Variants in CDH13 observed in about 807,000 individuals in gnomAD.
The protein encoded by CDH13 is cadherin-13.
Under a neutral mutation model 63.8 loss-of-function variants are expected in CDH13, and 24 were observed. The observed-to-expected ratio is 0.38, with a 90% CI of 0.27 to 0.53. The LOEUF (loss-of-function observed/expected upper bound fraction) is 0.53, where lower values mean the gene tolerates loss of function less well. Ranked by LOEUF, CDH13 falls within the 20% of genes least tolerant of loss-of-function variation. CDH13 has a pLI of 0.85. For synonymous variants in CDH13, 503 were observed against 355.3 expected (o/e 1.42, Z -4.67); for missense variants, 1,049 against 903.1 (o/e 1.16, Z -2.07).
intron 1 of CDH13, among the ~76,000 whole-genome samples, chr16:82,701,821 G>C (rs2031049085): frequency 6.6e-6 from 1 of 152,036 alleles, no homozygotes; most frequent in Non-Finnish European, 1.5e-5. Flanking sequence ...TATGAACAAG[G>C]GGACAGGATG....
intron 3 of CDH13, among the ~76,000 whole-genome samples, chr16:83,108,023 A>G (rs2034864607): frequency 2.6e-5 from 4 of 152,028 alleles, no homozygotes; most frequent in Admixed American, 6.5e-5. Context: ...GGGTTTCACC[A>G]TCTTGGACAG....
chr16:82,824,889 ATTTG>A (rs1428575833), intron 1 of CDH13: 1 of 152,228 alleles, frequency 6.6e-6, no homozygotes, highest in East Asian at 1.9e-4. Flanking sequence ...TCTCATTAGT[ATTTG>A]TTCAGTTATG....
At chr16:83,253,678 T>G (rs10514584) in intron 5 of CDH13, among the ~76,000 whole-genome samples, 16,921 of 152,272 alleles carry the variant, frequency 0.11, 1,087 homozygotes, top group East Asian at 0.27. Context: ...GCAAATACTC[T>G]TAAGATCATG....
intron 6 of CDH13, among the ~76,000 whole-genome samples, chr16:83,455,260 C>A (rs2072991010): frequency 6.6e-6 from 1 of 152,136 alleles, no homozygotes; most frequent in African/African-American, 2.4e-5. Flanking sequence ...AGGAAACTGG[C>A]AAGGCCCAAG....
chr16:82,862,102 T>C (rs1413109135), intron 2 of CDH13, among the ~76,000 whole-genome samples: 3 of 152,218 alleles, frequency 2.0e-5, no homozygotes, highest in Non-Finnish European at 4.4e-5. Flanking sequence ...AGGTGTTTTC[T>C]GGAGGCCTGG....
At chr16:82,636,292 T>C (rs1031341959) in intron 1 of CDH13, among the ~76,000 whole-genome samples, 3 of 151,812 alleles carry the variant, frequency 2.0e-5, no homozygotes, top group Non-Finnish European at 4.4e-5. Flanking sequence ...CTTCTCTATG[T>C]GGGAGTGTAA....
chr16:82,944,345 T>C (rs1035388059), intron 2 of CDH13, among the ~76,000 whole-genome samples: 3 of 152,182 alleles, frequency 2.0e-5, no homozygotes, highest in Non-Finnish European at 4.4e-5. Context: ...TTACCGATAC[T>C]GTGTGTCTGT....
rs539416266 is a variant in CDH13, at chr16:83,075,525, G to T, written c.366+43307G>T. ...TTGTGGATGCAAAGGGAACAGGGTT[G>T]TGGTTGCTGAGCATTGCATCCAGTG... is the stretch of plus-strand genomic sequence containing the variant. On this transcript the variant is annotated intron_variant, in intron 3 of 13. Coordinates refer to ENST00000567109, the MANE Select transcript of CDH13 (RefSeq NM_001257.5). Among the ~76,000 whole-genome samples the T allele has an allele frequency of 8.4e-4, 128 of 152,346 alleles. 1 individual carries two copies. Among genetic ancestry groups the T allele is most frequent in the Non-Finnish European group, 1.3e-3 (90 of 68,038 alleles).
At chr16:83,055,450 A>G (rs1022408239) in intron 3 of CDH13, among the ~76,000 whole-genome samples, 10 of 151,978 alleles carry the variant, frequency 6.6e-5, no homozygotes, top group African/African-American at 2.2e-4. Flanking sequence ...TCTTTCAAGA[A>G]TAAGAAAAAA....
intron 6 of CDH13, among the ~76,000 whole-genome samples, chr16:83,385,874 G>C (rs753594459): frequency 6.6e-6 from 1 of 152,154 alleles, no homozygotes; most frequent in Non-Finnish European, 1.5e-5. Context: ...TGTACTGACT[G>C]CTCTCTCACC....
chr16:83,081,777 C>T (rs1371600452), intron 3 of CDH13, among the ~76,000 whole-genome samples: 1 of 152,072 alleles, frequency 6.6e-6, no homozygotes, highest in African/African-American at 2.4e-5. Context: ...TCGGGTTCCA[C>T]CCTCATGACC....
intron 1 of CDH13, among the ~76,000 whole-genome samples, chr16:82,837,689 AGCTCACTGGAG>A (rs1313025965): frequency 6.6e-6 from 1 of 152,172 alleles, no homozygotes; most frequent in African/African-American, 2.4e-5. Flanking sequence ...CTACGAGGGA[AGCTCACTGGAG>A]GCTCAGTGCC....
chr16:83,276,764 G>A (rs890640708), intron 5 of CDH13, among the ~76,000 whole-genome samples: 1 of 152,120 alleles, frequency 6.6e-6, no homozygotes, highest in Admixed American at 6.5e-5. Context: ...ACAGCTACTC[G>A]GGAGGCTGAG....
chr16:82,901,368 C>G (rs60026430), intron 2 of CDH13, among the ~76,000 whole-genome samples: 9,923 of 74,190 alleles, frequency 0.13, 704 homozygotes, highest in African/African-American at 0.32. Flanking sequence ...GTGTGTGTGT[C>G]TGATGATTGG....
At chr16:82,847,523 C>G (rs1018254876) in intron 1 of CDH13, among the ~76,000 whole-genome samples, 29 of 152,206 alleles carry the variant, frequency 1.9e-4, no homozygotes, top group African/African-American at 6.8e-4. Context: ...TTTCTCTTAT[C>G]CTTTCTTCCA....
At chr16:83,121,091 C>T (rs1331748774) in intron 3 of CDH13, among the ~76,000 whole-genome samples, 4 of 152,062 alleles carry the variant, frequency 2.6e-5, no homozygotes, top group Admixed American at 1.3e-4. Context: ...GTGTTGGGTT[C>T]GTTTTGGGTG....
At position 82,966,181 on chromosome 16, in the gene CDH13, G is replaced by C. The variant is rs554292932; in HGVS notation, c.158-65829G>C. On this transcript the variant is annotated intron_variant, in intron 2 of 13. Transcript: ENST00000567109. The stretch of plus-strand genomic sequence containing the variant: ...TTTGTTTGTTTGAGACAAAGACTCG[G>C]TCTGTCGCCCAGGCTGGAGTGCAGT... Among the ~76,000 whole-genome samples the C allele has an allele frequency of 2.4e-3, 367 of 152,206 alleles. 3 individuals carry two copies. Among genetic ancestry groups the C allele is most frequent in the Middle Eastern group, 0.017 (5 of 292 alleles).
At chr16:83,743,096 A>G (rs1912215078) in intron 10 of CDH13, among the ~76,000 whole-genome samples, 1 of 152,156 alleles carries the variant, frequency 6.6e-6, no homozygotes, top group African/African-American at 2.4e-5. Context: ...AATTCCAGAT[A>G]TTTGGGAGGC....
chr16:82,781,425 T>C (rs8061163), intron 1 of CDH13, among the ~76,000 whole-genome samples: 12,342 of 152,078 alleles, frequency 0.081, 597 homozygotes, highest in East Asian at 0.23. Context: ...GTTGTGTACA[T>C]TGGCAACTTG....
Sources: allele counts gnomAD v4.1 joint callset (sites outside exome capture counted in the v4.1 genomes callset), GRCh38; gene constraint gnomAD v4.1.1; transcripts MANE v1.5; gene names NCBI Gene and HGNC (gene_info 2026-07-23, HGNC 2026-07-21).